PGS1: variants seen among roughly 807,000 people sequenced by gnomAD.
PGS1 encodes the protein phosphatidylglycerophosphate synthase 1, also known as CDP-diacylglycerol--glycerol-3-phosphate 3-phosphatidyltransferase, mitochondrial.
A neutral mutation model predicts 58.3 loss-of-function variants in PGS1; 44 were observed. That is an observed-to-expected ratio of 0.75 (90% confidence interval 0.59 to 0.97). The LOEUF (loss-of-function observed/expected upper bound fraction) is 0.97. PGS1 is among the 50% of genes least tolerant of loss of function. The pLI is 0.00. For synonymous variants in PGS1, 330 were observed against 311.0 expected, an observed-to-expected ratio of 1.06 and a Z score of -0.64; for missense variants, 684 against 731.1, an observed-to-expected ratio of 0.94 and a Z score of 0.74.
rs2081807350 is a variant in PGS1, at chr17:78,378,694, G to A, written c.29G>A (p.Gly10Glu). 1 of 1,526,262 alleles carries A rather than the reference G, an allele frequency of 6.6e-7. No individual in the cohort carries two copies. Among genetic ancestry groups the A allele is most frequent in the Non-Finnish European group, 8.7e-7 (1 of 1,143,384 alleles). The allele number at this position is 1,526,262 out of a possible 1,614,324, so 94.5% of individuals were successfully genotyped here. Residue 10 changes from glycine (G) to glutamate (E), a missense_variant, in exon 1 of 10, where the codon GGA (glycine) becomes GAA (glutamate). By Grantham distance (98) the Gly-to-Glu change is moderately conservative. Transcript: ENST00000262764. MAVAAAAAA[G>E]PVFWRRLLGL... Reference sequence around the variant, plus strand: ...GCGGTGGCGGCGGCAGCTGCGGCGGGACCCGTGTTCTGGAGGCGACTGCTG... The same window carrying A: ...GCGGTGGCGGCGGCAGCTGCGGCGGAACCCGTGTTCTGGAGGCGACTGCTG...
intron 9 of PGS1, among the ~76,000 whole-genome samples, chr17:78,423,118 A>AG (rs1317720175): frequency 1.4e-5 from 2 of 146,318 alleles, no homozygotes; most frequent in Non-Finnish European, 3.0e-5. Context: ...AAAAAAAAAA[A>AG]ATGTTGATCC....
At chr17:78,401,184 G>C (rs1041232217) in intron 6 of PGS1, among the ~76,000 whole-genome samples, 6 of 152,158 alleles carry the variant, frequency 3.9e-5, no homozygotes, top group Admixed American at 1.3e-4. Flanking sequence ...TAGTGACCCA[G>C]GTCTCAGGTG....
At chr17:78,390,062 T>TCCCCCCCCCCCCCCCCCCCCGCC (rs1555628316) in intron 1 of PGS1, among the ~76,000 whole-genome samples, 24 of 128,566 alleles carry the variant, frequency 1.9e-4, no homozygotes, top group South Asian at 5.2e-4. Context: ...TGTTGCCTGT[T>TCCCCCCCCCCCCCCCCCCCCGCC]CCCCCGCCCC....
chr17:78,392,355 C>T (rs1332082153), intron 1 of PGS1, 121 bp from the exon 2 acceptor site: 3 of 619,048 alleles, frequency 4.8e-6, no homozygotes, highest in East Asian at 3.0e-5. Context: ...ATCTGACATT[C>T]ATAACACAAG....
At chr17:78,406,970 T>C (rs2146258534) in intron 7 of PGS1, among the ~76,000 whole-genome samples, 1 of 152,316 alleles carries the variant, frequency 6.6e-6, no homozygotes, top group East Asian at 1.9e-4. Flanking sequence ...CAGTTACCGC[T>C]GAAACAGAAA....
intron 9 of PGS1, chr17:78,421,963 C>G (rs1277738333): frequency 1.2e-5 from 1 of 83,328 alleles, no homozygotes; most frequent in Non-Finnish European, 3.1e-5. Flanking sequence ...CTGTCGTGTT[C>G]CAGTCCCTGT....
chr17:78,391,635 G>A (rs1033062672), intron 1 of PGS1, among the ~76,000 whole-genome samples: 3 of 151,962 alleles, frequency 2.0e-5, no homozygotes, highest in Non-Finnish European at 2.9e-5. Flanking sequence ...ATACCACCAC[G>A]CCCGGCTAAT....
chr17:78,399,849 AGGATGAGT>A, intron 5 of PGS1: 1 of 368,100 alleles, frequency 2.7e-6, no homozygotes, highest in South Asian at 3.3e-5. Context: ...CAGATCAGAG[AGGATGAGT>A]CACTTTGTCA....
At chr17:78,398,734 G>T (rs1041874407) in intron 4 of PGS1, among the ~76,000 whole-genome samples, 2 of 152,222 alleles carry the variant, frequency 1.3e-5, no homozygotes, top group Non-Finnish European at 2.9e-5. Flanking sequence ...GCTTTGGGTG[G>T]CTTGTGATTT....
chr17:78,398,307 A>G lies in PGS1; in HGVS notation c.467A>G (p.Asn156Ser), dbSNP rs753828821. The G allele has an allele frequency of 6.2e-7, 1 of 1,613,970 alleles. No individual in the cohort carries two copies. The highest frequency in any genetic ancestry group is 8.5e-7 in the Non-Finnish European group (1 of 1,179,994). The change falls in exon 4 of 10, where the codon AAT (asparagine) becomes AGT (serine). Residue 156 changes from asparagine to serine, a missense_variant. Physicochemically the swap from Asn to Ser is conservative, Grantham distance 46. Transcript: ENST00000262764. ...EKSLQAKFPS[N>S]LKVSILLDFT... ...TCACTCCAAGCAAAGTTTCCTTCAA[A>G]TCTCAAGGTCTCCATTCTCTTAGAC...
chr17:78,387,096 C>T (rs976028922), intron 1 of PGS1, among the ~76,000 whole-genome samples: 1 of 152,184 alleles, frequency 6.6e-6, no homozygotes, highest in Non-Finnish European at 1.5e-5. Flanking sequence ...CTCCATCTTC[C>T]AGGTTCAACC....
intron 7 of PGS1, among the ~76,000 whole-genome samples, chr17:78,404,563 A>G (rs1391769977): frequency 6.6e-6 from 1 of 151,984 alleles, no homozygotes; most frequent in Non-Finnish European, 1.5e-5. Context: ...AGTTGTGTAA[A>G]ATCCGTCTCT....
chr17:78,397,846 G>A (rs565991758), intron 3 of PGS1, among the ~76,000 whole-genome samples: 4 of 152,362 alleles, frequency 2.6e-5, no homozygotes, highest in South Asian at 2.1e-4. Flanking sequence ...TGGGCAGGCC[G>A]TGTCTTGGAT....
chr17:78,378,864 C>A, intron 1 of PGS1, 56 bp downstream of exon 1: 1 of 1,351,466 alleles, frequency 7.4e-7, no homozygotes, highest in South Asian at 1.7e-5. Flanking sequence ...CCCGGCCCCC[C>A]GGCGCTCAAA....
At position 78,393,446 on chromosome 17, in the gene PGS1, G is replaced by C. The variant is rs539979754; in HGVS notation, c.333+781G>C. ...GGGAAGGGAGGTTGGTGAGGACTGA[G>C]GACCCGTGGGTCACATGGGTATGTC... On this transcript the variant is annotated intron_variant, in intron 2 of 9. Transcript: ENST00000262764. Among the ~76,000 whole-genome samples, 8 of 152,344 alleles carry C rather than the reference G, an allele frequency of 5.3e-5. No individual in the cohort carries two copies. In the East Asian group the frequency reaches 1.5e-3, roughly 29 times the overall value.
In PGS1 at chr17:78,415,088, A is replaced by G. The variant is rs558184021; in HGVS notation, c.1551+61A>G. 586 of 1,588,798 alleles carry G rather than the reference A, an allele frequency of 3.7e-4. 1 individual carries two copies. In the African/African-American group the frequency reaches 6.2e-3, roughly 17 times the overall value. On this transcript the variant is annotated intron_variant, in intron 8 of 9. Transcript: ENST00000262764. Reference sequence around the variant, plus strand: ...AGGGTGTGGCTGGGGGCCCAGGCTCACCCGTGCTGTGGGGCTGCCCTGAGA... The same window carrying G: ...AGGGTGTGGCTGGGGGCCCAGGCTCGCCCGTGCTGTGGGGCTGCCCTGAGA...
At chr17:78,417,335 G>T (rs1257925138) in intron 8 of PGS1, among the ~76,000 whole-genome samples, 1 of 152,204 alleles carries the variant, frequency 6.6e-6, no homozygotes, top group African/African-American at 2.4e-5. Context: ...TCTTCCATCA[G>T]GCACGTCCAG....
rs555694882 is a variant in PGS1 at position 78,389,182 on chromosome 17, C to T, written c.144-3294C>T. ...GGTTCAAGCAGTTCTGCCTCAGCCA[C>T]GGGCGGCTAATTTTTTTTTTTTGAG... On this transcript the variant is annotated intron_variant, in intron 1 of 9. Coordinates refer to ENST00000262764, the MANE Select transcript of PGS1 (RefSeq NM_024419.5). Among the ~76,000 whole-genome samples the T allele has an allele frequency of 3.3e-5, 5 of 150,224 alleles. No individual in the cohort carries two copies. In the East Asian group the frequency reaches 9.8e-4, roughly 29 times the overall value.
intron 2 of PGS1, among the ~76,000 whole-genome samples, chr17:78,393,082 A>G (rs2082946335): frequency 7.3e-6 from 1 of 137,326 alleles, no homozygotes; most frequent in East Asian, 2.1e-4. Flanking sequence ...TTTTTTTGAG[A>G]TGGAGTCTCG....
Sources: gnomAD v4.1 joint callset for allele counts (sites outside exome capture counted in the v4.1 genomes callset) on GRCh38, gnomAD v4.1.1 for gene constraint, MANE v1.5 for transcripts, NCBI Gene and HGNC (gene_info 2026-07-23, HGNC 2026-07-21) for gene names.